Variants in SCTR observed in about 807,000 individuals in gnomAD.
SCTR encodes pancreatic secretin receptor.
A neutral mutation model predicts 60.8 loss-of-function variants in SCTR; 56 were observed. That is an observed-to-expected ratio of 0.92 (90% CI 0.74 to 1.15). The LOEUF is 1.15. Among genes scored for constraint, SCTR ranks in the 50% most tolerant of loss-of-function variants. The pLI, the probability that SCTR is intolerant of heterozygous loss-of-function variation, is 0.00. For synonymous variants in SCTR, 202 were observed against 217.0 expected (o/e 0.93, Z 0.61); for missense variants, 562 against 550.4 (o/e 1.02, Z -0.21).
At chr2:119,451,604 C>T (rs1352090512) in intron 9 of SCTR, among the ~76,000 whole-genome samples, 1 of 151,996 alleles carries the variant, frequency 6.6e-6, no homozygotes, top group Non-Finnish European at 1.5e-5. Flanking sequence ...GCACTCCCAC[C>T]CTCTTCAGTG....
chr2:119,456,154 G>C (rs1232548929), intron 7 of SCTR, among the ~76,000 whole-genome samples: 3 of 144,274 alleles, frequency 2.1e-5, no homozygotes, highest in African/African-American at 8.0e-5. Flanking sequence ...TCCACCACCC[G>C]GGTTCAAGTG....
chr2:119,507,663 C>CTTTTTTTTTTTTTTTTT (rs751779879), intron 1 of SCTR, among the ~76,000 whole-genome samples: 2 of 114,784 alleles, frequency 1.7e-5, no homozygotes, highest in East Asian at 3.1e-4. Flanking sequence ...CTTTCTCGTT[C>CTTTTTTTTTTTTTTTTT]TTTTTTTTTT....
At chr2:119,493,746 A>G (rs1368282368) in intron 2 of SCTR, among the ~76,000 whole-genome samples, 1 of 150,584 alleles carries the variant, frequency 6.6e-6, no homozygotes, top group African/African-American at 2.4e-5. Context: ...GGTTCAAGCG[A>G]TTCTCCTGCC....
At chr2:119,518,169 C>A (rs1679172579) in intron 1 of SCTR, among the ~76,000 whole-genome samples, 1 of 152,126 alleles carries the variant, frequency 6.6e-6, no homozygotes, top group Non-Finnish European at 1.5e-5. Flanking sequence ...AGATTAATTT[C>A]TTTTGTTTAA....
intron 1 of SCTR, among the ~76,000 whole-genome samples, chr2:119,518,024 C>A (rs894503528): frequency 6.6e-6 from 1 of 152,148 alleles, no homozygotes. Context: ...TTTCCCTCCC[C>A]TCCCCTGCAT....
chr2:119,458,701 T>A (rs1430640531), intron 7 of SCTR, among the ~76,000 whole-genome samples: 1 of 152,004 alleles, frequency 6.6e-6, no homozygotes, highest in Non-Finnish European at 1.5e-5. Flanking sequence ...TAGTGGCAAG[T>A]TGGTGGGAAA....
Position 119,519,828 on chromosome 2 carries a change from GAA to G in SCTR, c.72+4325_72+4326del, listed in dbSNP as rs1200116142. The stretch of plus-strand genomic sequence containing the variant: ...TCTGTCTCAAAAAAAAAAAAAAAAA[GAA>G]AAAAAGAAAAGAAAAACAAAGAAAA... On this transcript the variant is annotated intron_variant, in intron 1 of 12. Coordinates refer to ENST00000019103, the MANE Select transcript of SCTR (RefSeq NM_002980.3). Among the ~76,000 whole-genome samples the G allele has an allele frequency of 4.1e-4, 23 of 55,898 alleles. 1 individual carries two copies. In the East Asian group the frequency reaches 8.3e-3, roughly 20 times the overall value. 36.7% of individuals were successfully genotyped at this position (55,898 alleles called of 152,430 possible).
chr2:119,487,441 G>T (rs1367340356), intron 2 of SCTR: 1 of 152,218 alleles, frequency 6.6e-6, no homozygotes, highest in Non-Finnish European at 1.5e-5. Context: ...TGAAGGCAAG[G>T]TCACTAAGGC....
chr2:119,474,853 C>T (rs562437956), intron 3 of SCTR, among the ~76,000 whole-genome samples: 16 of 152,226 alleles, frequency 1.1e-4, no homozygotes, highest in Non-Finnish European at 1.8e-4. Context: ...ACCAGGAGAC[C>T]GTGTCCTCTG....
intron 1 of SCTR, among the ~76,000 whole-genome samples, chr2:119,508,968 C>T (rs570288551): frequency 6.6e-6 from 1 of 152,266 alleles, no homozygotes; most frequent in Admixed American, 6.5e-5. Context: ...AATTTACTGC[C>T]AAGGACAGGA....
chr2:119,503,066 G>C (rs1475822544), intron 1 of SCTR, among the ~76,000 whole-genome samples: 1 of 150,790 alleles, frequency 6.6e-6, no homozygotes. Context: ...GGTTGAGGCG[G>C]GAGAATGGTG....
intron 1 of SCTR, among the ~76,000 whole-genome samples, chr2:119,503,013 G>A (rs989636506): frequency 5.3e-5 from 8 of 150,918 alleles, no homozygotes; most frequent in African/African-American, 1.7e-4. Context: ...CAAAAAATTA[G>A]CCAGGTGTGG....
chr2:119,513,860 G>T (rs1400447631), intron 1 of SCTR, among the ~76,000 whole-genome samples: 1 of 152,118 alleles, frequency 6.6e-6, no homozygotes, highest in East Asian at 1.9e-4. Context: ...CAGAACCATG[G>T]AACTGGTGCC....
intron 2 of SCTR, among the ~76,000 whole-genome samples, chr2:119,490,876 A>G (rs1200998714): frequency 6.6e-6 from 1 of 152,188 alleles, no homozygotes; most frequent in East Asian, 1.9e-4. Context: ...GTGCAAGGGA[A>G]TGAAAACTGC....
intron 9 of SCTR, among the ~76,000 whole-genome samples, chr2:119,449,568 C>T (rs964686679): frequency 2.0e-5 from 3 of 152,034 alleles, no homozygotes; most frequent in Non-Finnish European, 2.9e-5. Context: ...TTTGGTGTCC[C>T]CTCCCCCAAC....
chr2:119,481,680 G>A (rs1677609493), intron 2 of SCTR, among the ~76,000 whole-genome samples: 1 of 152,194 alleles, frequency 6.6e-6, no homozygotes, highest in African/African-American at 2.4e-5. Flanking sequence ...CCTGGGTACA[G>A]ATGCCTCCCC....
At chr2:119,489,279 C>T (rs926502554) in intron 2 of SCTR, among the ~76,000 whole-genome samples, 1 of 152,196 alleles carries the variant, frequency 6.6e-6, no homozygotes, top group Admixed American at 6.5e-5. Context: ...CATTTGTGTC[C>T]TCTGCGGGGG....
At chr2:119,468,022 A>T (rs1683910215) in intron 4 of SCTR, among the ~76,000 whole-genome samples, 1 of 152,192 alleles carries the variant, frequency 6.6e-6, no homozygotes, top group Admixed American at 6.5e-5. Context: ...CAAAAAATAA[A>T]GAAAACAAAA....
At chr2:119,496,099 C>T (rs953889897) in intron 1 of SCTR, among the ~76,000 whole-genome samples, 4 of 152,026 alleles carry the variant, frequency 2.6e-5, no homozygotes, top group African/African-American at 4.8e-5. Context: ...TGGTTCTTGC[C>T]GAAGCCCATA....
Sources: allele counts gnomAD v4.1 joint callset (sites outside exome capture counted in the v4.1 genomes callset), GRCh38; gene constraint gnomAD v4.1.1; transcripts MANE v1.5; gene names NCBI Gene and HGNC (gene_info 2026-07-23, HGNC 2026-07-21).